FGD4: variants seen among roughly 807,000 people sequenced by gnomAD.
The protein encoded by FGD4 is FYVE, RhoGEF and PH domain-containing protein 4.
A neutral mutation model predicts 102.0 loss-of-function variants in FGD4; 42 were observed. That is an observed-to-expected ratio of 0.41 (90% CI 0.32 to 0.53). FGD4 has a LOEUF of 0.53. Ranked by LOEUF, FGD4 falls within the 20% of genes least tolerant of loss-of-function variation. The pLI is 0.21. For missense variants in FGD4, 902 were observed against 1,078.2 expected (o/e 0.84, Z 2.29); for synonymous variants, 380 against 375.7 (o/e 1.01, Z -0.13).
chr12:32,594,476 T>G (rs1947716092), intron 4 of FGD4, among the ~76,000 whole-genome samples: 1 of 152,186 alleles, frequency 6.6e-6, no homozygotes. Flanking sequence ...AATTACTTCC[T>G]TACATATTAC....
At chr12:32,417,575 A>G (rs1013761988) in intron 1 of FGD4, among the ~76,000 whole-genome samples, 6 of 151,984 alleles carry the variant, frequency 3.9e-5, no homozygotes, top group Non-Finnish European at 8.8e-5. Context: ...CTCATGCCTC[A>G]GCCTCCTGAG....
In FGD4 at chr12:32,595,129, G is replaced by T. The variant is rs564320791; in HGVS notation, c.1012-3368G>T. Among the ~76,000 whole-genome samples the T allele has an allele frequency of 1.2e-3, 187 of 151,722 alleles. 1 individual carries two copies. The highest frequency in any genetic ancestry group is 3.7e-3 in the African/African-American group (154 of 41,384). ...TGAATATGAAGGACAGCATATTCCT[G>T]TATCTTCCTCTGAAATATTGATAGG... On this transcript the variant is annotated intron_variant, in intron 4 of 16. Transcript: ENST00000534526.
chr12:32,549,854 C>G (rs1592182527), intron 1 of FGD4, among the ~76,000 whole-genome samples: 1 of 152,170 alleles, frequency 6.6e-6, no homozygotes, highest in Non-Finnish European at 1.5e-5. Context: ...AGCAATGTTG[C>G]GAAGTAAATG....
rs558274437 is a variant in FGD4, at chr12:32,460,359, A to G, written c.166+60400A>G. On this transcript the variant is annotated intron_variant, in intron 1 of 16. Transcript: ENST00000534526. ...AGACTTTGGCTTTACTAACAAAAAT[A>G]AAATAATTAGCCACTGGTGGTGGTG... Among the ~76,000 whole-genome samples the G allele has an allele frequency of 6.6e-5, 10 of 152,166 alleles. No homozygotes were observed. In the South Asian group the frequency reaches 1.0e-3, roughly 16 times the overall value.
rs183212259 is a variant in FGD4, at chr12:32,415,806, C to T, written c.166+15847C>T. Among the ~76,000 whole-genome samples the T allele has an allele frequency of 2.2e-3, 332 of 152,246 alleles. 1 individual carries two copies. Among genetic ancestry groups the T allele is most frequent in the African/African-American group, 7.4e-3 (308 of 41,562 alleles). ...GGACCCCTTTATCATTATATAGTGA[C>T]GTTATATGTGTTTTCTTACAGTTTT... On this transcript the variant is annotated intron_variant, in intron 1 of 16. Transcript: ENST00000534526.
At position 32,601,432 on chromosome 12, in the gene FGD4, A is replaced by C. The variant is rs749444332; in HGVS notation, c.1247+9A>C. On this transcript the variant is annotated intron_variant, in intron 6 of 16. Coordinates refer to ENST00000534526, the MANE Select transcript of FGD4 (RefSeq NM_001370298.3). Reference sequence around the variant, plus strand: ...AAACGAATGCAAGAATGGTAAGAGGAGTAGATAGAAAATGATATGTTTAAG... The same window carrying C: ...AAACGAATGCAAGAATGGTAAGAGGCGTAGATAGAAAATGATATGTTTAAG... 1 of 1,610,706 alleles carries C rather than the reference A, an allele frequency of 6.2e-7. No homozygotes were observed. The highest frequency in any genetic ancestry group is 8.5e-7 in the Non-Finnish European group (1 of 1,177,976).
intron 1 of FGD4, among the ~76,000 whole-genome samples, chr12:32,422,821 G>A (rs964967270): frequency 3.9e-5 from 6 of 152,024 alleles, no homozygotes; most frequent in African/African-American, 7.3e-5. Flanking sequence ...ACTTGAGTCA[G>A]CTATTATTTA....
intron 1 of FGD4, among the ~76,000 whole-genome samples, chr12:32,473,249 C>T (rs983214427): frequency 3.3e-5 from 5 of 152,134 alleles, no homozygotes; most frequent in Non-Finnish European, 5.9e-5. Context: ...TGGCAACCTG[C>T]TCGTGTCCCC....
chr12:32,611,089 C>T (rs757927122), intron 9 of FGD4, 48 bp from the exon 10 acceptor site: 2 of 1,611,038 alleles, frequency 1.2e-6, no homozygotes, highest in East Asian at 4.5e-5. Flanking sequence ...ATTAAAGCTA[C>T]TAGGTTGAAA....
At chr12:32,485,088 G>A (rs536156913) in intron 1 of FGD4, among the ~76,000 whole-genome samples, 1 of 152,116 alleles carries the variant, frequency 6.6e-6, no homozygotes, top group African/African-American at 2.4e-5. Flanking sequence ...ATTTATTTTT[G>A]TAGAGATGGG....
intron 1 of FGD4, among the ~76,000 whole-genome samples, chr12:32,457,526 G>A (rs1045377096): frequency 3.9e-5 from 6 of 152,118 alleles, no homozygotes; most frequent in Non-Finnish European, 8.8e-5. Flanking sequence ...ATATCTAATT[G>A]CTAGGGTCTT....
At chr12:32,526,468 T>C (rs1016659350) in intron 1 of FGD4, among the ~76,000 whole-genome samples, 2 of 152,146 alleles carry the variant, frequency 1.3e-5, no homozygotes, top group Non-Finnish European at 2.9e-5. Context: ...ATCTAACTAA[T>C]CTGATGGGGA....
intron 1 of FGD4, among the ~76,000 whole-genome samples, chr12:32,458,521 C>A (rs547187259): frequency 1.8e-4 from 27 of 152,226 alleles, no homozygotes; most frequent in Admixed American, 7.2e-4. Context: ...ATTTTCCATT[C>A]ATAAGATATC....
At chr12:32,435,030 G>A (rs1176953789) in intron 1 of FGD4, among the ~76,000 whole-genome samples, 1 of 151,244 alleles carries the variant, frequency 6.6e-6, no homozygotes, top group African/African-American at 2.4e-5. Context: ...CGCTACCTCT[G>A]CCTCCCGGGT....
intron 1 of FGD4, among the ~76,000 whole-genome samples, chr12:32,428,894 TCTAAA>T (rs1467163770): frequency 6.6e-6 from 1 of 152,220 alleles, no homozygotes; most frequent in African/African-American, 2.4e-5. Flanking sequence ...TATGTTCTTC[TCTAAA>T]CTAGTTATTC....
chr12:32,453,227 A>ATAT lies in FGD4; in HGVS notation c.166+53269_166+53271dup, dbSNP rs1338018668. On this transcript the variant is annotated intron_variant, in intron 1 of 16. Coordinates refer to ENST00000534526, the MANE Select transcript of FGD4 (RefSeq NM_001370298.3). ...ATATATATATATATATATAATATAG[A>ATAT]TATATATATATTTTTTTTTTTTTAA... Among the ~76,000 whole-genome samples, 24 of 45,314 alleles carry ATAT rather than the reference A, an allele frequency of 5.3e-4. No homozygotes were observed. In the South Asian group the frequency reaches 7.2e-3, roughly 14 times the overall value. 29.7% of individuals were successfully genotyped at this position (45,314 alleles called of 152,430 possible). A position where few individuals can be genotyped will look rare whatever the true frequency, so the allele number is the denominator to read the frequency against.
At chr12:32,406,289 C>T (rs1435296558) in intron 1 of FGD4, among the ~76,000 whole-genome samples, 1 of 151,808 alleles carries the variant, frequency 6.6e-6, no homozygotes, top group Non-Finnish European at 1.5e-5. Context: ...CGCAGTGGCT[C>T]ATGTGTGTAA....
intron 8 of FGD4, among the ~76,000 whole-genome samples, chr12:32,609,308 A>G (rs78821954): frequency 0.083 from 12,599 of 152,036 alleles, 686 homozygotes; most frequent in African/African-American, 0.16. Context: ...CCTCAAACCA[A>G]CTACTTCCTA....
intron 1 of FGD4, among the ~76,000 whole-genome samples, chr12:32,445,534 CTG>C (rs934020044): frequency 2.2e-4 from 33 of 152,162 alleles, no homozygotes; most frequent in African/African-American, 7.5e-4. Context: ...TGAATAAAAT[CTG>C]TTGTTTCTGT....
Sources: gnomAD v4.1 joint callset for allele counts (sites outside exome capture counted in the v4.1 genomes callset) on GRCh38, gnomAD v4.1.1 for gene constraint, MANE v1.5 for transcripts, NCBI Gene and HGNC (gene_info 2026-07-23, HGNC 2026-07-21) for gene names.